Variants in SOX6 observed in about 807,000 individuals in gnomAD.
SOX6 encodes the protein transcription factor SOX-6.
SOX6 carries 11 observed loss-of-function variants against 97.8 expected under a neutral mutation model. The ratio of observed to expected loss-of-function variants is 0.11; its 90% CI spans 0.07 to 0.19. The LOEUF is 0.19. Ranked by LOEUF, SOX6 falls within the 10% of genes least tolerant of loss-of-function variation. The pLI is 1.00. For synonymous variants in SOX6, 360 were observed against 371.4 expected (o/e 0.97, Z 0.35); for missense variants, 810 against 1,039.5 (o/e 0.78, Z 3.04).
chr11:16,259,559 T>C (rs1853808057), intron 3 of SOX6, among the ~76,000 whole-genome samples: 1 of 152,142 alleles, frequency 6.6e-6, no homozygotes, highest in African/African-American at 2.4e-5. Flanking sequence ...ATAGCTTGCA[T>C]TGATACAATG....
At chr11:16,064,225 G>A (rs1204076103) in intron 9 of SOX6, among the ~76,000 whole-genome samples, 1 of 151,610 alleles carries the variant, frequency 6.6e-6, no homozygotes, top group African/African-American at 2.4e-5. Context: ...GAAGAACTAT[G>A]CAAAGTATAA....
At chr11:16,033,196 T>C (rs1855428802) in intron 12 of SOX6, among the ~76,000 whole-genome samples, 1 of 152,198 alleles carries the variant, frequency 6.6e-6, no homozygotes, top group South Asian at 2.1e-4. Context: ...CGTCATGTGG[T>C]TGCAAACAAC....
chr11:16,377,586 T>C (rs1857677037), intron 1 of SOX6, among the ~76,000 whole-genome samples: 1 of 152,146 alleles, frequency 6.6e-6, no homozygotes, highest in African/African-American at 2.4e-5. Context: ...GAAAAAAACA[T>C]CCACTTGAAG....
chr11:16,605,424 G>C lies in SOX6; in HGVS notation n.609+6657C>G. 6.6e-6 allele frequency among the ~76,000 whole-genome samples: 1 copy of C among 152,122 alleles called. No individual in the cohort carries two copies. The highest frequency in any genetic ancestry group is 1.9e-4 in the East Asian group (1 of 5,156). ...TGGATTTCGGATGGGCTTGGAATTCGGTTTGTTTATTCCTGAAAAGATCAT... is the reference window on the plus strand; with the variant it reads ...TGGATTTCGGATGGGCTTGGAATTCCGTTTGTTTATTCCTGAAAAGATCAT... On this transcript the variant is annotated intron_variant and non_coding_transcript_variant, in intron 4 of 5. Transcript: ENST00000524520. This position sits in a 1 kb window ranked among gnomAD's most constrained non-coding sequence, Gnocchi z 5.3.
chr11:15,988,837 G>T (rs912557231), intron 14 of SOX6, among the ~76,000 whole-genome samples, 160 bp downstream of exon 14: 3 of 152,238 alleles, frequency 2.0e-5, no homozygotes, highest in Non-Finnish European at 2.9e-5. Flanking sequence ...GGAGGCAGAC[G>T]TGATGACGAA....
intron 3 of SOX6, among the ~76,000 whole-genome samples, chr11:16,287,286 T>A (rs1381967424): frequency 3.2e-3 from 166 of 51,190 alleles, no homozygotes; most frequent in African/African-American, 9.0e-3. Context: ...TCTCTCTCTC[T>A]CTCTCTCTCT....
intron 4 of SOX6, among the ~76,000 whole-genome samples, chr11:16,543,119 G>A (rs1260380233): frequency 6.6e-6 from 1 of 152,018 alleles, no homozygotes; most frequent in Admixed American, 6.6e-5. Context: ...AACAGGCCAG[G>A]CAATGTACAT....
intron 4 of SOX6, among the ~76,000 whole-genome samples, chr11:16,572,844 T>G (rs2133200094): frequency 6.6e-6 from 1 of 152,260 alleles, no homozygotes; most frequent in South Asian, 2.1e-4. Context: ...ATAATGGCCA[T>G]TTGTACTTGT....
chr11:16,489,133 G>A (rs1860476227), intron 4 of SOX6, among the ~76,000 whole-genome samples: 1 of 152,092 alleles, frequency 6.6e-6, no homozygotes, highest in African/African-American at 2.4e-5. Context: ...CATTGGGCAT[G>A]GGACAATAGG....
At chr11:16,166,988 C>T (rs1013005643) in intron 6 of SOX6, among the ~76,000 whole-genome samples, 13 of 152,134 alleles carry the variant, frequency 8.5e-5, no homozygotes, top group Non-Finnish European at 8.8e-5. Context: ...ACTTTGAAAA[C>T]TACGCATACA....
chr11:16,384,316 A>C (rs1248610429), intron 1 of SOX6, among the ~76,000 whole-genome samples: 1 of 151,968 alleles, frequency 6.6e-6, no homozygotes, highest in African/African-American at 2.4e-5. Context: ...AATGTGCAAT[A>C]ATAGATTAAC....
intron 3 of SOX6, among the ~76,000 whole-genome samples, chr11:16,248,217 G>C (rs2134194958): frequency 1.3e-5 from 2 of 152,274 alleles, no homozygotes; most frequent in Non-Finnish European, 2.9e-5. Context: ...CCAACCCCTG[G>C]CTGCTTTCAG....
chr11:16,176,565 C>T (rs573738961), intron 6 of SOX6, among the ~76,000 whole-genome samples: 9 of 152,052 alleles, frequency 5.9e-5, no homozygotes, highest in East Asian at 3.9e-4. Flanking sequence ...GCCATATACA[C>T]ACCTCCCATT....
rs1420269127 is a variant in SOX6, at chr11:16,656,928, ATGTT to A, written n.430-44672_430-44669del. 2.0e-5 allele frequency among the ~76,000 whole-genome samples: 3 copies of A among 152,306 alleles called. No individual in the cohort carries two copies. In the East Asian group the frequency reaches 5.8e-4, roughly 29 times the overall value. ...TTATTAACATCTTGCATTAATGTGT[ATGTT>A]TGTTACAACTGATGAACCAATATTG... On this transcript the variant is annotated intron_variant and non_coding_transcript_variant, in intron 3 of 5. Transcript: ENST00000524520.
intron 4 of SOX6, among the ~76,000 whole-genome samples, chr11:16,528,880 A>C (rs1400252462): frequency 6.6e-6 from 1 of 152,040 alleles, no homozygotes; most frequent in Non-Finnish European, 1.5e-5. Context: ...AAAAGTACAC[A>C]CCCAGTTATT....
intron 12 of SOX6, among the ~76,000 whole-genome samples, chr11:16,030,258 T>G (rs1220138017): frequency 1.3e-5 from 2 of 152,200 alleles, no homozygotes; most frequent in East Asian, 3.8e-4. Context: ...TAGAAATGCT[T>G]AGGTTTGAAA....
intron 6 of SOX6, among the ~76,000 whole-genome samples, chr11:16,167,155 C>G (rs1316482134): frequency 2.0e-5 from 3 of 152,150 alleles, no homozygotes; most frequent in Non-Finnish European, 4.4e-5. Flanking sequence ...CTCCAACTTC[C>G]AGACCCTCAC....
intron 4 of SOX6, among the ~76,000 whole-genome samples, chr11:16,188,122 G>A (rs138211572): frequency 1.8e-4 from 28 of 151,596 alleles, no homozygotes; most frequent in Middle Eastern, 6.8e-3. Context: ...TTCAGAGGAT[G>A]CAGGCTAGCA....
intron 4 of SOX6, among the ~76,000 whole-genome samples, chr11:16,485,165 A>T (rs1018010401): frequency 6.6e-6 from 1 of 152,178 alleles, no homozygotes; most frequent in Non-Finnish European, 1.5e-5. Flanking sequence ...CAGAGATAGG[A>T]TTGCATAAAT....
Sources: allele counts gnomAD v4.1 joint callset (sites outside exome capture counted in the v4.1 genomes callset), GRCh38; gene constraint gnomAD v4.1.1; non-coding constraint Gnocchi (gnomAD v3.1); transcripts MANE v1.5; gene names NCBI Gene and HGNC (gene_info 2026-07-23, HGNC 2026-07-21).